ADAMTSL3: variants seen among roughly 807,000 people sequenced by gnomAD.
The protein encoded by ADAMTSL3 is ADAMTS like 3.
Under a neutral mutation model 201.7 loss-of-function variants are expected in ADAMTSL3, and 128 were observed. The ratio of observed to expected loss-of-function variants is 0.63; its 90% CI spans 0.55 to 0.73. The LOEUF is 0.73. Ranked by LOEUF, ADAMTSL3 falls within the 30% of genes least tolerant of loss-of-function variation. The pLI, the probability that ADAMTSL3 is intolerant of heterozygous loss-of-function variation, is 0.00. For synonymous variants in ADAMTSL3, 738 were observed against 748.4 expected (o/e 0.99, Z 0.23); for missense variants, 1,990 against 2,119.6 (o/e 0.94, Z 1.20).
chr15:83,893,343 G>C (rs2065548170), intron 13 of ADAMTSL3, among the ~76,000 whole-genome samples: 2 of 152,022 alleles, frequency 1.3e-5, no homozygotes, highest in Admixed American at 1.3e-4. Flanking sequence ...TTAGTGTTAG[G>C]GAGATGGCCA....
chr15:84,011,056 C>T (rs1380485221), intron 23 of ADAMTSL3, among the ~76,000 whole-genome samples: 1 of 152,156 alleles, frequency 6.6e-6, no homozygotes, highest in African/African-American at 2.4e-5. Flanking sequence ...CTTAGTTTAC[C>T]ATTATATCCT....
intron 6 of ADAMTSL3, among the ~76,000 whole-genome samples, chr15:83,824,273 C>T (rs1350488451): frequency 6.6e-6 from 1 of 151,978 alleles, no homozygotes; most frequent in African/African-American, 2.4e-5. Flanking sequence ...CCTTGAGCCT[C>T]CCAAAATACT....
At chr15:83,777,365 G>A (rs2063094671) in intron 4 of ADAMTSL3, among the ~76,000 whole-genome samples, 2 of 152,236 alleles carry the variant, frequency 1.3e-5, no homozygotes, top group Non-Finnish European at 2.9e-5. Context: ...AGCCATCAGA[G>A]TGTAATGACC....
chr15:83,865,943 GGT>G (rs1189222914), intron 8 of ADAMTSL3, among the ~76,000 whole-genome samples: 2 of 152,132 alleles, frequency 1.3e-5, no homozygotes, highest in African/African-American at 4.8e-5. Flanking sequence ...TCAAAAAGTG[GGT>G]GAAGGATATG....
At chr15:83,895,478 T>G (rs2065593432) in intron 13 of ADAMTSL3, among the ~76,000 whole-genome samples, 1 of 152,214 alleles carries the variant, frequency 6.6e-6, no homozygotes, top group Non-Finnish European at 1.5e-5. Flanking sequence ...TAACTAGCTC[T>G]TCTCATTCAC....
chr15:83,697,206 C>T lies in ADAMTSL3; in HGVS notation c.70-7183C>T, dbSNP rs141696649. Among the ~76,000 whole-genome samples, 609 of 152,312 alleles carry T rather than the reference C, an allele frequency of 4.0e-3. 2 individuals are homozygous for T. The highest frequency in any genetic ancestry group is 6.2e-3 in the Non-Finnish European group (419 of 68,028). On this transcript the variant is annotated intron_variant, in intron 2 of 29. Transcript: ENST00000286744. ...ATACCCTCTTCTCCCCTGCTTCTCT[C>T]TCTTCCCATTACATCAATCTGAGAA... is the stretch of plus-strand genomic sequence containing the variant.
intron 3 of ADAMTSL3, among the ~76,000 whole-genome samples, chr15:83,755,472 A>G (rs2062705649): frequency 6.6e-6 from 1 of 151,726 alleles, no homozygotes. Flanking sequence ...TGTCTCTGTG[A>G]ATTTGACTAC....
At chr15:83,827,005 T>C (rs2064038847) in intron 6 of ADAMTSL3, among the ~76,000 whole-genome samples, 1 of 152,314 alleles carries the variant, frequency 6.6e-6, no homozygotes, top group Non-Finnish European at 1.5e-5. Flanking sequence ...GCATGATTTA[T>C]AATCCTTTGG....
At chr15:83,810,798 G>A (rs1251624359) in intron 5 of ADAMTSL3, among the ~76,000 whole-genome samples, 1 of 152,054 alleles carries the variant, frequency 6.6e-6, no homozygotes, top group Non-Finnish European at 1.5e-5. Context: ...GGGTACAGTG[G>A]CACGATCTCA....
intron 17 of ADAMTSL3, among the ~76,000 whole-genome samples, chr15:83,939,192 G>T (rs1035472647): frequency 6.6e-6 from 1 of 151,436 alleles, no homozygotes; most frequent in African/African-American, 2.4e-5. Context: ...ATTTTATTTA[G>T]GATTTTTAAA....
chr15:84,005,872 G>A (rs190682334), intron 23 of ADAMTSL3, among the ~76,000 whole-genome samples: 1 of 152,298 alleles, frequency 6.6e-6, no homozygotes, highest in East Asian at 1.9e-4. Context: ...GAGTTTACTA[G>A]AGAAAAGAAA....
intron 7 of ADAMTSL3, among the ~76,000 whole-genome samples, chr15:83,843,522 T>A (rs574544501): frequency 2.0e-5 from 3 of 152,238 alleles, no homozygotes; most frequent in East Asian, 3.9e-4. Context: ...TTGGCTGGGA[T>A]TTTTTCCCTA....
intron 2 of ADAMTSL3, among the ~76,000 whole-genome samples, chr15:83,672,701 C>T (rs927506364): frequency 2.6e-4 from 40 of 152,226 alleles, no homozygotes; most frequent in African/African-American, 9.4e-4. Flanking sequence ...TCAAAGCAAA[C>T]ACTTCACACT....
At chr15:83,711,256 T>C (rs1238330164) in intron 3 of ADAMTSL3, among the ~76,000 whole-genome samples, 1 of 152,230 alleles carries the variant, frequency 6.6e-6, no homozygotes, top group South Asian at 2.1e-4. Context: ...GTGGTTAAAC[T>C]ATTGGCAGCC....
chr15:83,694,994 A>G (rs547296352), intron 2 of ADAMTSL3, among the ~76,000 whole-genome samples: 1 of 151,552 alleles, frequency 6.6e-6, no homozygotes, highest in Admixed American at 6.6e-5. Context: ...CTGCTTGCCA[A>G]TGCTAACTAG....
chr15:83,839,479 G>A (rs1221247017), intron 7 of ADAMTSL3, among the ~76,000 whole-genome samples: 4 of 152,204 alleles, frequency 2.6e-5, no homozygotes, highest in African/African-American at 2.4e-5. Flanking sequence ...AGCCCTCAAA[G>A]CAATTTAGGC....
intron 7 of ADAMTSL3, among the ~76,000 whole-genome samples, chr15:83,844,724 G>A (rs1295219528): frequency 6.6e-6 from 1 of 152,190 alleles, no homozygotes; most frequent in Non-Finnish European, 1.5e-5. Flanking sequence ...TCCTTGCCTA[G>A]CTCTTTTGCA....
intron 4 of ADAMTSL3, among the ~76,000 whole-genome samples, chr15:83,794,289 G>A (rs2063389635): frequency 1.3e-5 from 2 of 152,172 alleles, no homozygotes; most frequent in African/African-American, 4.8e-5. Context: ...ATACAACTCA[G>A]CAATTGCACT....
intron 4 of ADAMTSL3, among the ~76,000 whole-genome samples, chr15:83,797,236 T>C (rs1399310443): frequency 1.3e-5 from 2 of 152,114 alleles, no homozygotes; most frequent in Non-Finnish European, 2.9e-5. Context: ...GCAAAGAATA[T>C]GAACAGGAAA....
Sources: allele counts gnomAD v4.1 joint callset (sites outside exome capture counted in the v4.1 genomes callset), GRCh38; gene constraint gnomAD v4.1.1; transcripts MANE v1.5; gene names NCBI Gene and HGNC (gene_info 2026-07-23, HGNC 2026-07-21).